The following NPAS3 variants were observed in gnomAD, a reference collection of about 807,000 sequenced individuals.
NPAS3 encodes neuronal PAS domain-containing protein 3.
In NPAS3, 14 loss-of-function variants were observed where a neutral mutation model predicts 73.1. That is an observed-to-expected ratio of 0.19 (90% CI 0.13 to 0.30). NPAS3 has a LOEUF of 0.30. Among genes scored for constraint, NPAS3 ranks in the 10% least tolerant of loss-of-function variants. The pLI, the probability that NPAS3 is intolerant of heterozygous loss-of-function variation, is 1.00. For missense variants in NPAS3, 1,096 were observed against 1,250.0 expected (o/e 0.88, Z 1.86); for synonymous variants, 620 against 541.5 (o/e 1.14, Z -2.01).
chr14:33,412,277 C>G (rs967853750), intron 4 of NPAS3, among the ~76,000 whole-genome samples: 1 of 151,972 alleles, frequency 6.6e-6, no homozygotes, highest in African/African-American at 2.4e-5. Context: ...AACCACCACT[C>G]CCGGCTAAAT....
intron 7 of NPAS3, 26 bp downstream of exon 7, chr14:33,735,358 A>T: frequency 6.6e-7 from 1 of 1,507,352 alleles, no homozygotes; most frequent in Non-Finnish European, 9.2e-7. Flanking sequence ...GAGGGGAGAC[A>T]TTGCTGTCTC....
At chr14:33,350,443 G>T (rs56258417) in intron 3 of NPAS3, among the ~76,000 whole-genome samples, 2 of 152,074 alleles carry the variant, frequency 1.3e-5, no homozygotes, top group South Asian at 4.2e-4. Flanking sequence ...TCACACCATG[G>T]TTTATGCATA....
chr14:33,317,235 G>A (rs927310512), intron 3 of NPAS3, among the ~76,000 whole-genome samples: 1 of 152,068 alleles, frequency 6.6e-6, no homozygotes, highest in African/African-American at 2.4e-5. Context: ...TTCCATGGCA[G>A]AAGTATTTCA....
intron 9 of NPAS3, among the ~76,000 whole-genome samples, chr14:33,779,161 A>AACTT (rs2138514612): frequency 6.6e-6 from 1 of 152,268 alleles, no homozygotes; most frequent in East Asian, 1.9e-4. Flanking sequence ...GGGGAACAGA[A>AACTT]ACTTATCTCA....
At chr14:33,673,109 G>A (rs899137232) in intron 5 of NPAS3, among the ~76,000 whole-genome samples, 2 of 152,172 alleles carry the variant, frequency 1.3e-5, no homozygotes, top group Non-Finnish European at 2.9e-5. Flanking sequence ...CAGCTCCAGG[G>A]GATTGGCAGG....
intron 3 of NPAS3, among the ~76,000 whole-genome samples, chr14:33,349,845 A>G (rs2044944171): frequency 1.3e-5 from 2 of 152,178 alleles, no homozygotes. Flanking sequence ...TGGAGGGAGT[A>G]CCTTTATATC....
At chr14:33,393,546 A>G (rs1310162464) in intron 4 of NPAS3, among the ~76,000 whole-genome samples, 1 of 152,126 alleles carries the variant, frequency 6.6e-6, no homozygotes, top group African/African-American at 2.4e-5. Context: ...CTCTTCCTTC[A>G]CTGTTCCCAA....
intron 2 of NPAS3, among the ~76,000 whole-genome samples, chr14:33,107,605 G>A (rs2042763186): frequency 1.3e-5 from 2 of 152,152 alleles, no homozygotes; most frequent in African/African-American, 2.4e-5. Context: ...TTTTATGGCT[G>A]TGTAGTATTC....
chr14:33,197,945 G>A (rs375553343), intron 2 of NPAS3, among the ~76,000 whole-genome samples: 10 of 152,106 alleles, frequency 6.6e-5, no homozygotes, highest in Admixed American at 6.5e-5. Flanking sequence ...TCTGATGTTC[G>A]GACGTGTTCG....
At chr14:33,561,156 AGAGAT>A (rs1296104461) in intron 5 of NPAS3, among the ~76,000 whole-genome samples, 1 of 152,202 alleles carries the variant, frequency 6.6e-6, no homozygotes, top group Non-Finnish European at 1.5e-5. Context: ...AGCTAGAGAT[AGAGAT>A]AAGATTTGTC....
At chr14:33,188,793 G>A (rs1012364294) in intron 2 of NPAS3, among the ~76,000 whole-genome samples, 1 of 152,092 alleles carries the variant, frequency 6.6e-6, no homozygotes, top group African/African-American at 2.4e-5. Context: ...GAATATTCCT[G>A]TATATCTTTA....
chr14:32,977,227 T>G (rs1435118560), intron 1 of NPAS3, among the ~76,000 whole-genome samples: 1 of 152,154 alleles, frequency 6.6e-6, no homozygotes, highest in Non-Finnish European at 1.5e-5. Flanking sequence ...CTTTGCCTAC[T>G]CATATTTTTT....
At chr14:33,422,256 T>C (rs2048386012) in intron 4 of NPAS3, among the ~76,000 whole-genome samples, 1 of 151,920 alleles carries the variant, frequency 6.6e-6, no homozygotes, top group Admixed American at 6.6e-5. Flanking sequence ...AAATAGTGTA[T>C]ATGAGGTTTG....
At chr14:33,403,428 T>C (rs751122026) in intron 4 of NPAS3, among the ~76,000 whole-genome samples, 1 of 152,134 alleles carries the variant, frequency 6.6e-6, no homozygotes, top group Non-Finnish European at 1.5e-5. Context: ...TGATAGATTA[T>C]AAAATGTTTA....
intron 3 of NPAS3, among the ~76,000 whole-genome samples, chr14:33,235,739 C>A (rs542969044): frequency 2.7e-5 from 4 of 149,082 alleles, no homozygotes; most frequent in Non-Finnish European, 5.9e-5. Context: ...GACACAGAAC[C>A]AAATGAATCT....
intron 5 of NPAS3, among the ~76,000 whole-genome samples, chr14:33,668,211 A>G (rs559626068): frequency 4.0e-4 from 61 of 152,326 alleles, no homozygotes; most frequent in South Asian, 2.3e-3. Context: ...TTTTCGCGCA[A>G]CAGTATCACT....
At chr14:33,291,538 T>A (rs2042100073) in intron 3 of NPAS3, among the ~76,000 whole-genome samples, 1 of 152,228 alleles carries the variant, frequency 6.6e-6, no homozygotes. Context: ...GAAATGAATT[T>A]GTAATAGAAA....
chr14:32,976,202 C>G (rs2037670458), intron 1 of NPAS3, among the ~76,000 whole-genome samples: 1 of 152,082 alleles, frequency 6.6e-6, no homozygotes, highest in Admixed American at 6.6e-5. Flanking sequence ...CTTTAAGAAG[C>G]ACTCCTGCAG....
At chr14:33,423,460 A>C (rs1010609946) in intron 4 of NPAS3, among the ~76,000 whole-genome samples, 1 of 151,986 alleles carries the variant, frequency 6.6e-6, no homozygotes, top group Non-Finnish European at 1.5e-5. Context: ...TGTGACAGGA[A>C]ATGCATGCTT....
Sources: allele counts gnomAD v4.1 joint callset (sites outside exome capture counted in the v4.1 genomes callset), GRCh38; gene constraint gnomAD v4.1.1; transcripts MANE v1.5; gene names NCBI Gene and HGNC (gene_info 2026-07-23, HGNC 2026-07-21).